Variants in PTP4A1 observed in about 807,000 individuals in gnomAD.
The protein encoded by PTP4A1 is protein tyrosine phosphatase 4A1, also known as protein tyrosine phosphatase type IVA 1.
Under a neutral mutation model 20.5 loss-of-function variants are expected in PTP4A1, and 9 were observed. The ratio of observed to expected loss-of-function variants is 0.44; its 90% CI spans 0.26 to 0.77. PTP4A1 has a LOEUF of 0.77. Among genes scored for constraint, PTP4A1 ranks in the 30% least tolerant of loss-of-function variants. PTP4A1 has a pLI of 0.19. For missense variants in PTP4A1, 137 were observed against 218.8 expected (o/e 0.63, Z 2.36); for synonymous variants, 78 against 67.4 (o/e 1.16, Z -0.77).
chr6:63,577,061 C>T lies in PTP4A1; in HGVS notation c.105+76C>T. The T allele has an allele frequency of 4.2e-6, 5 of 1,184,956 alleles. No homozygotes were observed. In the South Asian group the frequency reaches 6.9e-5, roughly 16 times the overall value. The allele number at this position is 1,184,956 out of a possible 1,614,324, so 73.4% of individuals were successfully genotyped here. A position where few individuals can be genotyped will look rare whatever the true frequency, so the allele number is the denominator to read the frequency against. On this transcript the variant is annotated intron_variant, in intron 2 of 5. Coordinates refer to ENST00000626021, the MANE Select transcript of PTP4A1 (RefSeq NM_003463.5). ...GGACTTATAGCTAACAAAATAAAAA[C>T]TACTTTGGAAAAAATGAGATGATAT...
chr6:63,546,726 C>A (rs1283533435), intron 2 of PTP4A1, among the ~76,000 whole-genome samples: 1 of 151,778 alleles, frequency 6.6e-6, no homozygotes, highest in East Asian at 1.9e-4. Flanking sequence ...AAATAGAGTA[C>A]AAGCTTTCAG....
chr6:63,543,877 G>C (rs985075097), intron 2 of PTP4A1, among the ~76,000 whole-genome samples: 7 of 152,110 alleles, frequency 4.6e-5, no homozygotes, highest in Admixed American at 4.6e-4. Flanking sequence ...TTTACTCTTC[G>C]TGTTTATTTG....
chr6:63,531,629 A>G (rs1775470684), intron 2 of PTP4A1, among the ~76,000 whole-genome samples: 1 of 148,450 alleles, frequency 6.7e-6, no homozygotes, highest in African/African-American at 2.5e-5. Context: ...AGCTGGGACT[A>G]TAGGCACGAG....
chr6:63,549,376 A>G, intron 2 of PTP4A1: 3 of 754,570 alleles, frequency 4.0e-6, no homozygotes, highest in Admixed American at 1.7e-5. Context: ...TTTGGGCTGA[A>G]TGTCCTGTCC....
chr6:63,558,666 T>C (rs1776794330), intron 3 of PTP4A1, among the ~76,000 whole-genome samples: 1 of 152,224 alleles, frequency 6.6e-6, no homozygotes, highest in Non-Finnish European at 1.5e-5. Context: ...GAAGCACATC[T>C]TAGGGTCATC....
At chr6:63,571,240 G>C (rs1777412812), upstream of PTP4A1, 1 of 152,132 alleles carries the variant, frequency 6.6e-6, no homozygotes, top group Non-Finnish European at 1.5e-5. Flanking sequence ...TCTCTAAATA[G>C]AAGTTCTAAT....
upstream of PTP4A1, among the ~76,000 whole-genome samples, chr6:63,518,900 G>GA (rs933125436): frequency 6.6e-5 from 10 of 151,698 alleles, no homozygotes; most frequent in South Asian, 6.2e-4. Flanking sequence ...TCAGATTTTA[G>GA]AAAAAAAAGC....
At chr6:63,545,600 G>A (rs1246727016) in intron 2 of PTP4A1, among the ~76,000 whole-genome samples, 1 of 151,550 alleles carries the variant, frequency 6.6e-6, no homozygotes, top group East Asian at 1.9e-4. Flanking sequence ...AACAGAGCAA[G>A]ACTCTGTCTC....
At chr6:63,560,574 AT>A (rs977563003) in intron 3 of PTP4A1, among the ~76,000 whole-genome samples, 1 of 151,118 alleles carries the variant, frequency 6.6e-6, no homozygotes, top group Admixed American at 6.6e-5. Flanking sequence ...TAATCTGTGT[AT>A]TTTTTTTAAG....
intron 2 of PTP4A1, among the ~76,000 whole-genome samples, chr6:63,543,885 T>A (rs1483489433): frequency 6.6e-6 from 1 of 152,254 alleles, no homozygotes; most frequent in Non-Finnish European, 1.5e-5. Flanking sequence ...TCGTGTTTAT[T>A]TGTACACAAA....
chr6:63,543,220 G>A (rs575813670), intron 2 of PTP4A1, among the ~76,000 whole-genome samples: 2 of 152,294 alleles, frequency 1.3e-5, no homozygotes, highest in East Asian at 3.9e-4. Context: ...TTTTAAAACT[G>A]AAAGTTCCTT....
intron 1 of PTP4A1, 33 bp from the exon 2 acceptor site, chr6:63,576,401 CTT>C (rs1388348865): frequency 5.0e-6 from 2 of 399,138 alleles, no homozygotes; most frequent in Non-Finnish European, 8.8e-6. Flanking sequence ...TGGAAAATAA[CTT>C]ATTCTCTCTT....
intron 3 of PTP4A1, among the ~76,000 whole-genome samples, chr6:63,550,915 C>G (rs1253060148): frequency 6.6e-6 from 1 of 151,832 alleles, no homozygotes; most frequent in Non-Finnish European, 1.5e-5. Context: ...GATGAGCCAC[C>G]GTGCCCAGCC....
chr6:63,518,712 G>A (rs1562109129), upstream of PTP4A1, among the ~76,000 whole-genome samples: 1 of 152,202 alleles, frequency 6.6e-6, no homozygotes, highest in Non-Finnish European at 1.5e-5. Context: ...ACTAACAACA[G>A]AGAGGACAAA....
In PTP4A1 at chr6:63,578,952, T is replaced by C; in HGVS notation, c.253T>C (p.Leu85=). 1 of 1,607,346 alleles carries C rather than the reference T, an allele frequency of 6.2e-7. No homozygotes were observed. Among genetic ancestry groups the C allele is most frequent in the Non-Finnish European group, 8.5e-7 (1 of 1,177,454 alleles). ...PPSNQIVDDW[L]SLVKIKFREE... is the part of the protein sequence containing the mutation. The stretch of plus-strand genomic sequence containing the variant: ...ATCCAACCAGATTGTTGATGACTGG[T>C]TAAGTCTTGTGAAAATTAAGTTTCG... Residue 85 remains leucine (L), a synonymous_variant, in exon 4 of 6, where the codon TTA becomes CTA. Transcript: ENST00000626021.
Position 63,582,101 on chromosome 6 carries a change from CAG to C in PTP4A1, c.*1928_*1929del, listed in dbSNP as rs778219091. ...ATTTTAGACAGGGCAAAAGGAAGAACAGGGGCCTCTGGAGGCCCTTGGTTATT... is the reference window on the plus strand; with the variant it reads ...ATTTTAGACAGGGCAAAAGGAAGAACGGGCCTCTGGAGGCCCTTGGTTATT... On this transcript the variant is annotated 3_prime_UTR_variant, in exon 6 of 6. Transcript: ENST00000626021. 4.4e-4 allele frequency: 67 copies of C among 152,146 alleles called. No individual in the cohort carries two copies. The highest frequency in any genetic ancestry group is 1.5e-3 in the African/African-American group (61 of 41,532). 9.4% of individuals were successfully genotyped at this position (152,146 alleles called of 1,614,324 possible).
chr6:63,542,014 G>A (rs915153924), intron 2 of PTP4A1, among the ~76,000 whole-genome samples: 1 of 137,672 alleles, frequency 7.3e-6, no homozygotes, highest in African/African-American at 2.8e-5. Flanking sequence ...GGTGGATAAA[G>A]AAACTGTGGT....
intron 1 of PTP4A1, among the ~76,000 whole-genome samples, chr6:63,525,261 C>T (rs146613129): frequency 6.6e-5 from 10 of 152,260 alleles, no homozygotes; most frequent in African/African-American, 2.2e-4. Context: ...GGATCAAACC[C>T]GCTCTTCCAT....
chr6:63,522,988 C>T (rs1461335973), intron 1 of PTP4A1, among the ~76,000 whole-genome samples: 2 of 151,786 alleles, frequency 1.3e-5, no homozygotes, highest in African/African-American at 2.4e-5. Flanking sequence ...CCACAGCCTC[C>T]GGAGTAGCTG....
Sources: allele counts gnomAD v4.1 joint callset (sites outside exome capture counted in the v4.1 genomes callset), GRCh38; gene constraint gnomAD v4.1.1; transcripts MANE v1.5; gene names NCBI Gene and HGNC (gene_info 2026-07-23, HGNC 2026-07-21).